The following WDFY4 variants were observed in gnomAD, a reference collection of about 807,000 sequenced individuals.
WDFY4 encodes WDFY family member 4.
In WDFY4, 169 loss-of-function variants were observed where a neutral mutation model predicts 351.9. The observed-to-expected ratio is 0.48, with a 90% CI of 0.42 to 0.55. The LOEUF (loss-of-function observed/expected upper bound fraction) is 0.55. WDFY4 is among the 20% of genes least tolerant of loss of function. The pLI, the probability that WDFY4 is intolerant of heterozygous loss-of-function variation, is 0.00. For missense variants in WDFY4, 3,803 were observed against 3,935.6 expected (o/e 0.97, Z 0.90); for synonymous variants, 1,622 against 1,574.6 (o/e 1.03, Z -0.71).
At position 48,706,654 on chromosome 10, in the gene WDFY4, C is replaced by T. The variant is rs144532933; in HGVS notation, c.-17-3062C>T. 6.6e-3 allele frequency among the ~76,000 whole-genome samples: 1,007 copies of T among 152,222 alleles called. 10 individuals are homozygous for T. The highest frequency in any genetic ancestry group is 0.023 in the African/African-American group (960 of 41,514). Reference sequence around the variant, plus strand: ...ATAGGATTGGTGTTTCAGGAGCAGCCGTTTGGAAATATGGATCAAGAGGCT... The same window carrying T: ...ATAGGATTGGTGTTTCAGGAGCAGCTGTTTGGAAATATGGATCAAGAGGCT... On this transcript the variant is annotated intron_variant, in intron 1 of 61. Coordinates refer to ENST00000325239, the MANE Select transcript of WDFY4 (RefSeq NM_001394531.1).
At chr10:48,955,079 A>C (rs1426006668) in intron 51 of WDFY4, among the ~76,000 whole-genome samples, 2 of 152,232 alleles carry the variant, frequency 1.3e-5, no homozygotes, top group Non-Finnish European at 2.9e-5. Flanking sequence ...CAGGACGAGG[A>C]GTAGGCATCA....
At chr10:48,706,834 T>G (rs1290873043) in intron 1 of WDFY4, among the ~76,000 whole-genome samples, 1 of 152,226 alleles carries the variant, frequency 6.6e-6, no homozygotes, top group East Asian at 1.9e-4. Context: ...TGGATATCAC[T>G]TAAGTGCCTA....
intron 18 of WDFY4, 30 bp downstream of exon 18, chr10:48,778,862 A>G: frequency 6.5e-7 from 1 of 1,544,286 alleles, no homozygotes; most frequent in African/African-American, 1.4e-5. Flanking sequence ...AGCCAGTTTC[A>G]TCCACATGTG....
At chr10:48,870,517 C>T (rs2069725565) in intron 40 of WDFY4, among the ~76,000 whole-genome samples, 1 of 151,354 alleles carries the variant, frequency 6.6e-6, no homozygotes. Flanking sequence ...TGCTTTCTAG[C>T]CTTCTAGCCT....
intron 1 of WDFY4, among the ~76,000 whole-genome samples, chr10:48,698,342 C>T (rs2063386709): frequency 6.6e-6 from 1 of 152,236 alleles, no homozygotes; most frequent in Non-Finnish European, 1.5e-5. Flanking sequence ...CGTGCCAGGG[C>T]TTGAAGCTTG....
chr10:48,968,388 G>A (rs971626509), intron 55 of WDFY4: 1 of 152,460 alleles, frequency 6.6e-6, no homozygotes, highest in African/African-American at 2.4e-5. Context: ...TTCCCTATGG[G>A]GAGAGACATC....
chr10:48,872,508 T>C (rs2069822126), intron 40 of WDFY4, among the ~76,000 whole-genome samples: 1 of 152,228 alleles, frequency 6.6e-6, no homozygotes, highest in African/African-American at 2.4e-5. Flanking sequence ...ATGAGTGTCT[T>C]TTCTGTTCAT....
At chr10:48,823,191 C>G in intron 35 of WDFY4, 1 of 1,303,222 alleles carries the variant, frequency 7.7e-7, no homozygotes, top group Non-Finnish European at 1.0e-6. Context: ...GATCTCAGCC[C>G]CATTACAAGC....
chr10:48,975,176 A>G (rs1473694182), intron 58 of WDFY4, 135 bp downstream of exon 58: 1 of 1,180,350 alleles, frequency 8.5e-7, no homozygotes, highest in Non-Finnish European at 1.2e-6. Flanking sequence ...TGTGTGGAAC[A>G]GTCGCTGTAG....
At chr10:48,896,179 T>C (rs1388130036) in intron 44 of WDFY4, among the ~76,000 whole-genome samples, 1 of 152,218 alleles carries the variant, frequency 6.6e-6, no homozygotes, top group Non-Finnish European at 1.5e-5. Context: ...TGTGCCTTTG[T>C]ATGGTCTGCA....
At chr10:48,719,176 A>C (rs7069023) in intron 2 of WDFY4, among the ~76,000 whole-genome samples, 99,361 of 152,088 alleles carry the variant, frequency 0.65, 33,244 homozygotes, top group East Asian at 0.91. Flanking sequence ...AAATAACTGC[A>C]GTTATATTAT....
chr10:48,873,517 A>T lies in WDFY4; in HGVS notation c.6768A>T (p.Ala2256=), dbSNP rs1001509891. 1 of 1,551,038 alleles carries T rather than the reference A, an allele frequency of 6.4e-7. No individual in the cohort carries two copies. The highest frequency in any genetic ancestry group is 1.4e-5 in the African/African-American group (1 of 73,002). Residue 2256 remains alanine, a synonymous_variant, in exon 41 of 62, where the codon GCA becomes GCT. Coordinates refer to ENST00000325239, the MANE Select transcript of WDFY4 (RefSeq NM_001394531.1). ...VQRRKCGNIK[A]ANAWARIQEQ... ...GGCGAAAATGTGGCAACATCAAGGC[A>T]GCCAACGCCTGGGCCAGGATCCAGG...
intron 51 of WDFY4, among the ~76,000 whole-genome samples, chr10:48,948,883 A>G (rs1013993726): frequency 2.0e-5 from 3 of 152,246 alleles, no homozygotes; most frequent in Non-Finnish European, 4.4e-5. Context: ...TCTGGACTGC[A>G]TCAAAGTATT....
intron 4 of WDFY4, among the ~76,000 whole-genome samples, chr10:48,722,247 A>G (rs1446848917): frequency 6.6e-6 from 1 of 152,150 alleles, no homozygotes; most frequent in Non-Finnish European, 1.5e-5. Flanking sequence ...TGCCTGCATC[A>G]CTGTCAGGCA....
At chr10:48,883,779 G>A (rs2070351244) in intron 43 of WDFY4, among the ~76,000 whole-genome samples, 1 of 152,212 alleles carries the variant, frequency 6.6e-6, no homozygotes, top group African/African-American at 2.4e-5. Context: ...GGGGGATGCT[G>A]GTGGTGCCGG....
At chr10:48,960,702 CCA>C (rs988275174) in intron 53 of WDFY4, among the ~76,000 whole-genome samples, 1 of 151,982 alleles carries the variant, frequency 6.6e-6, no homozygotes, top group African/African-American at 2.4e-5. Flanking sequence ...AATGATATAT[CCA>C]CACACACACA....
chr10:48,825,000 G>T (rs762071904), intron 35 of WDFY4, among the ~76,000 whole-genome samples: 1 of 152,080 alleles, frequency 6.6e-6, no homozygotes, highest in Non-Finnish European at 1.5e-5. Flanking sequence ...GGATGTGCAG[G>T]TTTGTTACAT....
At chr10:48,927,867 A>G (rs999283362) in intron 47 of WDFY4, among the ~76,000 whole-genome samples, 7 of 152,264 alleles carry the variant, frequency 4.6e-5, no homozygotes, top group African/African-American at 1.7e-4. Flanking sequence ...TTAAAGGAAC[A>G]AAAGGGAATA....
chr10:48,869,579 G>T (rs1161292049), intron 40 of WDFY4, among the ~76,000 whole-genome samples: 2 of 151,020 alleles, frequency 1.3e-5, no homozygotes, highest in African/African-American at 4.9e-5. Flanking sequence ...CTGACAAAAA[G>T]TTGCCTCTAC....
Sources: allele counts gnomAD v4.1 joint callset (sites outside exome capture counted in the v4.1 genomes callset), GRCh38; gene constraint gnomAD v4.1.1; transcripts MANE v1.5; gene names NCBI Gene and HGNC (gene_info 2026-07-23, HGNC 2026-07-21).